Variants in LRRC2 observed in about 807,000 individuals in gnomAD.
The protein encoded by LRRC2 is leucine rich repeat containing 2, also known as leucine-rich repeat-containing protein 2.
LRRC2 carries 27 observed loss-of-function variants against 40.2 expected under a neutral mutation model. The ratio of observed to expected loss-of-function variants is 0.67; its 90% CI spans 0.49 to 0.93. The LOEUF (loss-of-function observed/expected upper bound fraction) is 0.93, where lower values mean the gene tolerates loss of function less well. Among genes scored for constraint, LRRC2 ranks in the 40% least tolerant of loss-of-function variants. The pLI, the probability that LRRC2 is intolerant of heterozygous loss-of-function variation, is 0.00. For synonymous variants in LRRC2, 147 were observed against 158.9 expected (o/e 0.92, Z 0.56); for missense variants, 402 against 439.6 (o/e 0.91, Z 0.76).
chr3:46,528,238 T>G (rs937036903), intron 6 of LRRC2, among the ~76,000 whole-genome samples: 1 of 152,074 alleles, frequency 6.6e-6, no homozygotes, highest in Middle Eastern at 3.4e-3. Flanking sequence ...AAGGCAATCA[T>G]ACTAGAATTG....
intron 1 of LRRC2, among the ~76,000 whole-genome samples, chr3:46,552,487 C>G (rs922830406): frequency 2.0e-5 from 3 of 152,012 alleles, no homozygotes; most frequent in Non-Finnish European, 4.4e-5. Context: ...TCTTTCCTTC[C>G]TTTAAGTATA....
intron 6 of LRRC2, 83 bp downstream of exon 6, chr3:46,529,822 T>G: frequency 7.2e-7 from 1 of 1,395,584 alleles, no homozygotes; most frequent in Non-Finnish European, 1.0e-6. Flanking sequence ...AACATTCATG[T>G]ACTATACATG....
At chr3:46,540,853 T>C (rs1704370722) in intron 3 of LRRC2, among the ~76,000 whole-genome samples, 1 of 152,242 alleles carries the variant, frequency 6.6e-6, no homozygotes, top group Non-Finnish European at 1.5e-5. Flanking sequence ...GGTTGCCTCC[T>C]GGAACTGAGA....
At chr3:46,530,540 A>T (rs1052066851) in intron 5 of LRRC2, among the ~76,000 whole-genome samples, 6 of 152,194 alleles carry the variant, frequency 3.9e-5, no homozygotes. Context: ...AGATTATGCC[A>T]CTGCACACAA....
chr3:46,531,981 A>C (rs1704168280), intron 5 of LRRC2, among the ~76,000 whole-genome samples: 1 of 152,194 alleles, frequency 6.6e-6, no homozygotes, highest in East Asian at 1.9e-4. Flanking sequence ...ACTTTATCAG[A>C]AAATGATTTA....
chr3:46,538,673 A>T (rs536273557), intron 4 of LRRC2, among the ~76,000 whole-genome samples: 1 of 152,350 alleles, frequency 6.6e-6, no homozygotes, highest in East Asian at 1.9e-4. Context: ...GCTAAACTAG[A>T]TTTATCAATG....
rs761222922 is a variant in LRRC2 at position 46,551,586 on chromosome 3, T to C, written c.6A>G (p.Gly2=). Residue 2 remains glycine (G), a synonymous_variant, in exon 2 of 9, where the codon GGA becomes GGG. Transcript: ENST00000395905. ...AAATGTCGAAGACAACCACTTTATGTCCCATTTTGGGAGCATGAAATTACC... is the reference window on the plus strand; with the variant it reads ...AAATGTCGAAGACAACCACTTTATGCCCCATTTTGGGAGCATGAAATTACC... The part of the protein sequence containing the change: M[G]HKVVVFDISV... The C allele has an allele frequency of 6.2e-7, 1 of 1,611,916 alleles. No individual in the cohort carries two copies. Among genetic ancestry groups the C allele is most frequent in the South Asian group, 1.1e-5 (1 of 90,214 alleles).
In LRRC2 at chr3:46,549,870, G is replaced by A. The variant is rs114382567; in HGVS notation, c.125+1597C>T. Among the ~76,000 whole-genome samples, 695 of 152,356 alleles carry A rather than the reference G, an allele frequency of 4.6e-3. 11 individuals carry two copies. Among genetic ancestry groups the A allele is most frequent in the African/African-American group, 0.016 (648 of 41,594 alleles). On this transcript the variant is annotated intron_variant, in intron 2 of 8. Transcript: ENST00000395905. ...TAGAGTAACCCCAGATGCTAGGTGT[G>A]CGGAGGAAATCAAAGCAGGGCTGAG...
At chr3:46,544,699 G>A (rs1234598353) in intron 3 of LRRC2, among the ~76,000 whole-genome samples, 1 of 152,256 alleles carries the variant, frequency 6.6e-6, no homozygotes, top group Non-Finnish European at 1.5e-5. Context: ...CGGCAAGTAA[G>A]TAATTGCCCA....
chr3:46,520,129 T>C (rs1703939587), intron 8 of LRRC2, among the ~76,000 whole-genome samples: 1 of 148,558 alleles, frequency 6.7e-6, no homozygotes, highest in South Asian at 2.1e-4. Flanking sequence ...AAATAATAAC[T>C]AATAATATAT....
At chr3:46,526,013 C>T (rs944862151) in intron 7 of LRRC2, among the ~76,000 whole-genome samples, 7 of 151,432 alleles carry the variant, frequency 4.6e-5, no homozygotes, top group African/African-American at 7.3e-5. Flanking sequence ...AGTGCAGTGG[C>T]GCAACCTCGG....
chr3:46,552,454 T>C (rs537210314), intron 1 of LRRC2, among the ~76,000 whole-genome samples: 10 of 152,228 alleles, frequency 6.6e-5, no homozygotes, highest in African/African-American at 2.2e-4. Flanking sequence ...TGGTAGAAAT[T>C]TATTCTAAAG....
At chr3:46,546,977 C>T (rs1704539382) in intron 2 of LRRC2, among the ~76,000 whole-genome samples, 2 of 152,116 alleles carry the variant, frequency 1.3e-5, no homozygotes, top group East Asian at 3.8e-4. Context: ...GAAAGGAAAA[C>T]ATATTCATGG....
At chr3:46,521,790 T>A (rs773333045) in intron 7 of LRRC2, 132 bp from the exon 8 acceptor site, 1 of 782,974 alleles carries the variant, frequency 1.3e-6, no homozygotes, top group Non-Finnish European at 2.0e-6. Context: ...CCACATGATA[T>A]CAGCATCACC....
intron 5 of LRRC2, 144 bp downstream of exon 5, chr3:46,532,629 C>A: frequency 1.2e-6 from 1 of 867,926 alleles, no homozygotes; most frequent in Admixed American, 2.8e-5. Flanking sequence ...TTTTAAAGAC[C>A]AGTATACGGT....
rs1424021244 is a variant in LRRC2, at chr3:46,518,856, T to C, written c.*158A>G. ...TCCAGTCCATGGAGGGAGATACTCA[T>C]GTATTTGACATTTGAAAACCATTTT... On this transcript the variant is annotated 3_prime_UTR_variant, in exon 9 of 9. Coordinates refer to ENST00000395905, the MANE Select transcript of LRRC2 (RefSeq NM_024512.5). The C allele has an allele frequency of 3.3e-6, 2 of 608,732 alleles. No individual in the cohort carries two copies. The highest frequency in any genetic ancestry group is 5.9e-6 in the Non-Finnish European group (2 of 340,412). 37.7% of individuals were successfully genotyped at this position (608,732 alleles called of 1,614,324 possible). A position where few individuals can be genotyped will look rare whatever the true frequency, so the allele number is the denominator to read the frequency against.
intron 2 of LRRC2, among the ~76,000 whole-genome samples, chr3:46,550,542 C>A (rs1704622339): frequency 6.6e-6 from 1 of 152,046 alleles, no homozygotes; most frequent in Admixed American, 6.6e-5. Flanking sequence ...CAGGCGCCCG[C>A]CACCACGCCC....
rs572624409 is a variant in LRRC2 at position 46,550,234 on chromosome 3, G to C, written c.125+1233C>G. ...CCAACTTCCTCATCTGCAAATTAGG[G>C]ATGGTGGTAACCACCTGAAACCACT... On this transcript the variant is annotated intron_variant, in intron 2 of 8. Coordinates refer to ENST00000395905, the MANE Select transcript of LRRC2 (RefSeq NM_024512.5). Among the ~76,000 whole-genome samples, 17 of 152,220 alleles carry C rather than the reference G, an allele frequency of 1.1e-4. No individual in the cohort carries two copies. The South Asian group carries it at 3.5e-3, about 32-fold the overall frequency.
At chr3:46,548,918 T>G (rs1704584580) in intron 2 of LRRC2, among the ~76,000 whole-genome samples, 1 of 152,276 alleles carries the variant, frequency 6.6e-6, no homozygotes, top group African/African-American at 2.4e-5. Context: ...TATGAGAATC[T>G]AATGCTGCCG....
Sources: allele counts gnomAD v4.1 joint callset (sites outside exome capture counted in the v4.1 genomes callset), GRCh38; gene constraint gnomAD v4.1.1; transcripts MANE v1.5; gene names NCBI Gene and HGNC (gene_info 2026-07-23, HGNC 2026-07-21).